CUX1: variants seen among roughly 807,000 people sequenced by gnomAD.
CUX1 encodes cut like homeobox 1.
CUX1 carries 31 observed loss-of-function variants against 158.8 expected under a neutral mutation model. The ratio of observed to expected loss-of-function variants is 0.20; its 90% CI spans 0.15 to 0.26. CUX1 has a LOEUF of 0.26. Among genes scored for constraint, CUX1 ranks in the 10% least tolerant of loss-of-function variants. The pLI is 1.00. For synonymous variants in CUX1, 879 were observed against 862.1 expected (o/e 1.02, Z -0.34); for missense variants, 1,589 against 2,014.6 (o/e 0.79, Z 4.04).
At chr7:101,924,691 G>A (rs897693797) in intron 2 of CUX1, among the ~76,000 whole-genome samples, 4 of 148,700 alleles carry the variant, frequency 2.7e-5, no homozygotes, top group Non-Finnish European at 6.0e-5. Flanking sequence ...TCAGCCTCCC[G>A]AGTAGCTGGG....
At chr7:101,891,076 G>A (rs117585461) in intron 1 of CUX1, among the ~76,000 whole-genome samples, 3,011 of 152,116 alleles carry the variant, frequency 0.02, 61 homozygotes, top group Non-Finnish European at 0.031. Context: ...AGTTATTATG[G>A]ACCCTGTAAT....
At chr7:102,233,835 G>A (rs1453780423) in intron 21 of CUX1, among the ~76,000 whole-genome samples, 5 of 152,224 alleles carry the variant, frequency 3.3e-5, no homozygotes, top group African/African-American at 1.2e-4. Context: ...TGTGTACGGA[G>A]AATGCAAGAG....
chr7:102,043,331 G>GTGTA (rs1822344212), intron 3 of CUX1, among the ~76,000 whole-genome samples: 1 of 129,322 alleles, frequency 7.7e-6, no homozygotes, highest in African/African-American at 3.1e-5. Flanking sequence ...CACTGTGTGT[G>GTGTA]TGTGTGTGTG....
intron 2 of CUX1, among the ~76,000 whole-genome samples, chr7:101,978,689 A>G (rs1813026884): frequency 1.3e-5 from 2 of 152,140 alleles, no homozygotes; most frequent in South Asian, 4.1e-4. Context: ...CGGCCCCTCT[A>G]GCCCCGGTCT....
chr7:101,995,909 C>T lies in CUX1; in HGVS notation c.142-32189C>T, dbSNP rs188572409. Among the ~76,000 whole-genome samples, 695 of 152,034 alleles carry T rather than the reference C, an allele frequency of 4.6e-3. 11 individuals are homozygous for T. The highest frequency in any genetic ancestry group is 0.016 in the African/African-American group (677 of 41,486). ...GGGTGGATCACCTGAGGTCAGGGGTCCAAGACCAGCCTGGGTAAAATGTAG... is the reference window on the plus strand; with the variant it reads ...GGGTGGATCACCTGAGGTCAGGGGTTCAAGACCAGCCTGGGTAAAATGTAG... On this transcript the variant is annotated intron_variant, in intron 2 of 23. Transcript: ENST00000292535.
intron 1 of CUX1, among the ~76,000 whole-genome samples, chr7:101,829,538 G>A (rs1793749448): frequency 6.6e-6 from 1 of 152,038 alleles, no homozygotes. Flanking sequence ...TTTTCCTCCC[G>A]ACCTGCGCTG....
upstream of CUX1, among the ~76,000 whole-genome samples, chr7:101,816,376 C>T (rs1791778232): frequency 6.9e-6 from 1 of 143,972 alleles, no homozygotes; most frequent in Admixed American, 6.8e-5. Flanking sequence ...CCGGTGTCTG[C>T]CCCCACCCCG....
At chr7:101,967,266 C>T (rs189530392) in intron 2 of CUX1, among the ~76,000 whole-genome samples, 1 of 152,066 alleles carries the variant, frequency 6.6e-6, no homozygotes, top group African/African-American at 2.4e-5. Context: ...CCACCCGCCT[C>T]AGCCTCCCAA....
At chr7:101,994,046 C>T (rs569430731) in intron 2 of CUX1, among the ~76,000 whole-genome samples, 3 of 152,330 alleles carry the variant, frequency 2.0e-5, no homozygotes, top group Admixed American at 6.5e-5. Context: ...CCCCTAACCC[C>T]GGTAGTGGCC....
At chr7:102,259,515 G>A (rs530187836), downstream of CUX1, among the ~76,000 whole-genome samples, 5 of 152,290 alleles carry the variant, frequency 3.3e-5, no homozygotes, top group East Asian at 9.7e-4. Context: ...TTGAACCTGG[G>A]AGGCAGAGGT....
intron 3 of CUX1, among the ~76,000 whole-genome samples, chr7:102,052,367 C>T (rs1823621608): frequency 6.6e-6 from 1 of 152,188 alleles, no homozygotes; most frequent in South Asian, 2.1e-4. Context: ...CATTTCATAT[C>T]AATGAGATCA....
In CUX1 at chr7:102,195,499, C is replaced by T. The variant is rs782792444; in HGVS notation, c.1126-8C>T. 2 of 1,609,344 alleles carry T rather than the reference C, an allele frequency of 1.2e-6. No homozygotes were observed. The highest frequency in any genetic ancestry group is 3.3e-5 in the Admixed American group (2 of 59,850). ...CCCGCAGTGAGACCCCCGCTCTGCC[C>T]CTTCTAGGATGCGGCCAAGCCCCTG... On this transcript the variant is annotated splice_polypyrimidine_tract_variant and splice_region_variant and intron_variant, in intron 13 of 23. Transcript: ENST00000292535.
intron 1 of CUX1, among the ~76,000 whole-genome samples, chr7:101,898,870 G>A (rs1177796293): frequency 6.6e-6 from 1 of 152,196 alleles, no homozygotes; most frequent in Non-Finnish European, 1.5e-5. Context: ...GGATTACAAA[G>A]CATAAGCCAC....
intron 1 of CUX1, among the ~76,000 whole-genome samples, chr7:101,902,652 G>A (rs1444330089): frequency 6.6e-6 from 1 of 152,212 alleles, no homozygotes; most frequent in Non-Finnish European, 1.5e-5. Context: ...TGTGCCGGAT[G>A]CAGCTGTGCG....
intron 3 of CUX1, among the ~76,000 whole-genome samples, chr7:102,049,592 G>A (rs552764067): frequency 6.6e-6 from 1 of 152,176 alleles, no homozygotes; most frequent in African/African-American, 2.4e-5. Context: ...AATCCCAGGT[G>A]TGATGGAGAG....
intron 23 of CUX1, among the ~76,000 whole-genome samples, chr7:102,242,205 CTTTTT>C (rs67514665): frequency 3.2e-5 from 3 of 93,070 alleles, no homozygotes; most frequent in Non-Finnish European, 6.2e-5. Context: ...TTCTTTCTTT[CTTTTT>C]TTTTTTTTTT....
rs1554519929 is a variant in CUX1, at chr7:102,201,931, C to T, written c.2634C>T (p.Tyr878=). The T allele has an allele frequency of 6.2e-7, 1 of 1,614,124 alleles. No individual in the cohort carries two copies. The highest frequency in any genetic ancestry group is 1.7e-5 in the Admixed American group (1 of 60,026). Residue 878 remains tyrosine (Y), a synonymous_variant, in exon 18 of 24, where the codon TAC becomes TAT. Transcript: ENST00000292535. The surrounding 1 kb of genome is among the most constrained non-coding windows in gnomAD (Gnocchi z 5.0). ...SQLQGPSSSE[Y]WKEWPSAESP... is the part of the protein sequence containing the mutation. Reference sequence around the variant, plus strand: ...TCCAGGGACCCTCGTCGTCAGAGTACTGGAAGGAGTGGCCCAGCGCTGAGT... The same window carrying T: ...TCCAGGGACCCTCGTCGTCAGAGTATTGGAAGGAGTGGCCCAGCGCTGAGT...
At chr7:102,225,840 CAAGA>C (rs1798294707) in intron 20 of CUX1, among the ~76,000 whole-genome samples, 2 of 152,158 alleles carry the variant, frequency 1.3e-5, no homozygotes, top group African/African-American at 4.8e-5. Context: ...AAAAATTTTA[CAAGA>C]CCCTGGGAGC....
intron 20 of CUX1, chr7:102,280,988 T>C (rs1586541839): frequency 2.6e-6 from 2 of 783,206 alleles, no homozygotes; most frequent in East Asian, 5.3e-5. Flanking sequence ...CTGTGTGATC[T>C]GGGACAGGGT....
Sources: allele counts gnomAD v4.1 joint callset (sites outside exome capture counted in the v4.1 genomes callset), GRCh38; gene constraint gnomAD v4.1.1; non-coding constraint Gnocchi (gnomAD v3.1); transcripts MANE v1.5; gene names NCBI Gene and HGNC (gene_info 2026-07-23, HGNC 2026-07-21).